GPC5: variants seen among roughly 807,000 people sequenced by gnomAD.
The protein encoded by GPC5 is glypican-5.
GPC5 carries 47 observed loss-of-function variants against 53.9 expected under a neutral mutation model. The observed-to-expected ratio is 0.87, with a 90% CI of 0.69 to 1.11. GPC5 has a LOEUF of 1.11. Ranked by LOEUF, GPC5 falls within the 50% of genes most tolerant of loss-of-function variation. GPC5 has a pLI of 0.00. For synonymous variants in GPC5, 286 were observed against 263.3 expected (o/e 1.09, Z -0.84); for missense variants, 748 against 713.1 (o/e 1.05, Z -0.56).
At position 92,419,226 on chromosome 13, in the gene GPC5, G is replaced by C. The variant is rs375585929; in HGVS notation, c.1561+274237G>C. Among the ~76,000 whole-genome samples, 245 of 152,156 alleles carry C rather than the reference G, an allele frequency of 1.6e-3. 2 individuals are homozygous for C. The highest frequency in any genetic ancestry group is 2.9e-3 in the Non-Finnish European group (196 of 68,012). On this transcript the variant is annotated intron_variant, in intron 7 of 7. Transcript: ENST00000377067. ...CAAATCTTAGCTCTCATGACAATGAGACAGAAGCTGCATTCTTCATTAGAC... is the reference window on the plus strand; with the variant it reads ...CAAATCTTAGCTCTCATGACAATGACACAGAAGCTGCATTCTTCATTAGAC...
intron 7 of GPC5, among the ~76,000 whole-genome samples, chr13:92,805,074 C>T (rs1303428458): frequency 1.3e-5 from 2 of 152,028 alleles, no homozygotes; most frequent in Non-Finnish European, 1.5e-5. Flanking sequence ...ATTCTGAACC[C>T]TTGAAAGTCA....
intron 6 of GPC5, among the ~76,000 whole-genome samples, chr13:92,075,477 A>G (rs558501426): frequency 3.3e-5 from 5 of 152,314 alleles, no homozygotes; most frequent in Middle Eastern, 3.4e-3. Context: ...ATTTGACCCA[A>G]TTCTAAAAAT....
chr13:92,647,306 A>G (rs1195743896), intron 7 of GPC5, among the ~76,000 whole-genome samples: 2 of 152,160 alleles, frequency 1.3e-5, no homozygotes, highest in Non-Finnish European at 2.9e-5. Context: ...CTTTATAACT[A>G]TAACTAACAA....
intron 5 of GPC5, among the ~76,000 whole-genome samples, chr13:91,816,718 C>A (rs1332976383): frequency 6.6e-6 from 1 of 152,182 alleles, no homozygotes; most frequent in Non-Finnish European, 1.5e-5. Context: ...TTCCCTACAA[C>A]AGTGAGAGTA....
At chr13:92,331,957 C>T (rs577716751) in intron 7 of GPC5, among the ~76,000 whole-genome samples, 4 of 152,030 alleles carry the variant, frequency 2.6e-5, no homozygotes, top group South Asian at 2.1e-4. Context: ...AATTACTAAG[C>T]AAAGTAAGAA....
intron 7 of GPC5, among the ~76,000 whole-genome samples, chr13:92,662,904 C>T (rs1886398309): frequency 6.6e-6 from 1 of 152,154 alleles, no homozygotes; most frequent in Non-Finnish European, 1.5e-5. Flanking sequence ...TATTTATCTA[C>T]CCTGGAGCCC....
At chr13:92,153,070 T>C (rs868693785) in intron 7 of GPC5, among the ~76,000 whole-genome samples, 4 of 152,248 alleles carry the variant, frequency 2.6e-5, no homozygotes, top group Non-Finnish European at 4.4e-5. Context: ...CTCCTTTTGT[T>C]AAACAGTGTG....
At chr13:92,658,924 G>GTTTTTTTTTTTT (rs71123426) in intron 7 of GPC5, 17 of 85,596 alleles carry the variant, frequency 2.0e-4, no homozygotes, top group African/African-American at 3.3e-4. Flanking sequence ...TATATGTTTT[G>GTTTTTTTTTTTT]TTTTTTTTTT....
At chr13:92,815,853 GC>G (rs1314614784) in intron 7 of GPC5, among the ~76,000 whole-genome samples, 1 of 151,918 alleles carries the variant, frequency 6.6e-6, no homozygotes, top group East Asian at 1.9e-4. Context: ...GAGTTGAGCT[GC>G]CATTTTCTGA....
At chr13:91,514,626 A>G (rs1315598267) in intron 2 of GPC5, among the ~76,000 whole-genome samples, 20 of 152,186 alleles carry the variant, frequency 1.3e-4, no homozygotes, top group Admixed American at 1.3e-3. Context: ...GTAAAAAGTA[A>G]CTGAGATTTT....
intron 2 of GPC5, among the ~76,000 whole-genome samples, chr13:91,550,207 A>C (rs1004264663): frequency 1.3e-5 from 2 of 152,158 alleles, no homozygotes; most frequent in African/African-American, 4.8e-5. Flanking sequence ...TATAGACAGC[A>C]AAAAGATGAG....
chr13:92,318,003 T>A (rs1163663532), intron 7 of GPC5, among the ~76,000 whole-genome samples: 3 of 152,198 alleles, frequency 2.0e-5, no homozygotes, highest in Non-Finnish European at 4.4e-5. Flanking sequence ...TGGTCTCCTA[T>A]CAGAAAGTTA....
chr13:92,681,493 C>G (rs1566361403), intron 7 of GPC5, among the ~76,000 whole-genome samples: 1 of 151,956 alleles, frequency 6.6e-6, no homozygotes, highest in Non-Finnish European at 1.5e-5. Context: ...CTCCTCCATC[C>G]CCACCTGTAA....
chr13:92,307,743 GAAGAGAAA>G (rs1466277075), intron 7 of GPC5, among the ~76,000 whole-genome samples: 1 of 152,118 alleles, frequency 6.6e-6, no homozygotes, highest in African/African-American at 2.4e-5. Context: ...TGGGATAAAG[GAAGAGAAA>G]AAGAGAAAAC....
At chr13:92,448,229 T>A (rs937406552) in intron 7 of GPC5, 2 of 152,142 alleles carry the variant, frequency 1.3e-5, no homozygotes, top group African/African-American at 4.8e-5. Context: ...CAGTTTTACT[T>A]TTTATTCATC....
At chr13:91,754,138 TG>T (rs2037238132) in intron 4 of GPC5, among the ~76,000 whole-genome samples, 2 of 152,162 alleles carry the variant, frequency 1.3e-5, no homozygotes, top group South Asian at 4.1e-4. Context: ...CCCTAAAGTA[TG>T]GTTTGGGTTG....
chr13:92,827,882 A>G (rs1020920164), intron 7 of GPC5, among the ~76,000 whole-genome samples: 3 of 152,050 alleles, frequency 2.0e-5, no homozygotes, highest in Non-Finnish European at 2.9e-5. Flanking sequence ...ATAAAGAGAG[A>G]AAAAGAGAAG....
At chr13:92,808,017 G>T (rs558484006) in intron 7 of GPC5, among the ~76,000 whole-genome samples, 1 of 152,180 alleles carries the variant, frequency 6.6e-6, no homozygotes, top group East Asian at 1.9e-4. Flanking sequence ...TGTATAGACT[G>T]ACTAGTTATA....
chr13:91,577,456 C>A (rs2032179328), intron 2 of GPC5, among the ~76,000 whole-genome samples: 1 of 152,110 alleles, frequency 6.6e-6, no homozygotes. Context: ...CAGAAGAGCC[C>A]TAGGGTCTGT....
Sources: allele counts gnomAD v4.1 joint callset (sites outside exome capture counted in the v4.1 genomes callset), GRCh38; gene constraint gnomAD v4.1.1; transcripts MANE v1.5; gene names NCBI Gene and HGNC (gene_info 2026-07-23, HGNC 2026-07-21).